The following FOXP2 variants were observed in gnomAD, a reference collection of about 807,000 sequenced individuals.
FOXP2 encodes the protein forkhead box protein P2.
FOXP2 carries 12 observed loss-of-function variants against 115.8 expected under a neutral mutation model. The observed-to-expected ratio is 0.10, with a 90% CI of 0.07 to 0.17. The LOEUF (loss-of-function observed/expected upper bound fraction) is 0.17. Ranked by LOEUF, FOXP2 falls within the 10% of genes least tolerant of loss-of-function variation. FOXP2 has a pLI of 1.00. For synonymous variants in FOXP2, 328 were observed against 297.7 expected, an observed-to-expected ratio of 1.10 and a Z score of -1.05; for missense variants, 629 against 843.5, an observed-to-expected ratio of 0.75 and a Z score of 3.15.
chr7:114,296,821 A>G (rs922032315), intron 2 of FOXP2, among the ~76,000 whole-genome samples: 1 of 152,220 alleles, frequency 6.6e-6, no homozygotes, highest in Non-Finnish European at 1.5e-5. Flanking sequence ...ATTTTATAAG[A>G]AAATTTCTGA....
At chr7:114,466,199 TAGAG>T (rs1455352318) in intron 2 of FOXP2, among the ~76,000 whole-genome samples, 1 of 152,206 alleles carries the variant, frequency 6.6e-6, no homozygotes, top group African/African-American at 2.4e-5. Context: ...GGAATTTTGC[TAGAG>T]ACCCATCACT....
chr7:114,423,388 G>A (rs1178906329), intron 1 of FOXP2, among the ~76,000 whole-genome samples: 1 of 151,546 alleles, frequency 6.6e-6, no homozygotes, highest in Non-Finnish European at 1.5e-5. Context: ...GAAAGAAAAA[G>A]GAAAGGAAGG....
chr7:114,460,543 A>T (rs1404241514), intron 2 of FOXP2, among the ~76,000 whole-genome samples: 1 of 152,216 alleles, frequency 6.6e-6, no homozygotes, highest in Admixed American at 6.5e-5. Flanking sequence ...GTTGACAGGG[A>T]TTCATGTCAC....
intron 1 of FOXP2, among the ~76,000 whole-genome samples, chr7:114,165,108 C>A (rs955020960): frequency 6.6e-6 from 1 of 152,012 alleles, no homozygotes; most frequent in African/African-American, 2.4e-5. Flanking sequence ...CCAGAATTTT[C>A]TGGTATGTTG....
chr7:114,410,301 T>C (rs537007761), upstream of FOXP2, among the ~76,000 whole-genome samples: 1 of 152,176 alleles, frequency 6.6e-6, no homozygotes, highest in Admixed American at 6.6e-5. Flanking sequence ...TACTTTCCCA[T>C]GACACCCAAC....
intron 2 of FOXP2, among the ~76,000 whole-genome samples, chr7:114,294,859 A>C (rs146595373): frequency 0.048 from 7,219 of 149,802 alleles, 371 homozygotes; most frequent in African/African-American, 0.13. Context: ...TAAATAAATA[A>C]ATAAATACAT....
chr7:114,415,403 G>A (rs1465012334), intron 1 of FOXP2, 43 bp downstream of exon 1: 1 of 403,356 alleles, frequency 2.5e-6, no homozygotes, highest in East Asian at 7.1e-5. Flanking sequence ...AGAGTTTAGA[G>A]AGGGGTGGGA....
At chr7:114,659,178 A>G (rs1350264656) in intron 11 of FOXP2, among the ~76,000 whole-genome samples, 178 bp from the exon 12 acceptor site, 1 of 152,148 alleles carries the variant, frequency 6.6e-6, no homozygotes, top group Non-Finnish European at 1.5e-5. Context: ...CTTCATTTGC[A>G]CTTCGCGTCA....
intron 1 of FOXP2, among the ~76,000 whole-genome samples, chr7:114,249,714 CT>C (rs910441993): frequency 2.4e-4 from 36 of 151,588 alleles, no homozygotes; most frequent in African/African-American, 8.7e-4. Context: ...ATTTATATTC[CT>C]TTGTGTATAT....
At chr7:114,375,630 C>T (rs539200685) in intron 2 of FOXP2, among the ~76,000 whole-genome samples, 1 of 152,148 alleles carries the variant, frequency 6.6e-6, no homozygotes, top group African/African-American at 2.4e-5. Context: ...CACTTTACAT[C>T]ATATTAACTT....
chr7:114,100,059 A>T (rs910825002), intron 1 of FOXP2, among the ~76,000 whole-genome samples: 3 of 152,198 alleles, frequency 2.0e-5, no homozygotes, highest in African/African-American at 7.2e-5. Flanking sequence ...ATTTTTTAAA[A>T]ACCTGCCATG....
At chr7:114,519,714 G>T (rs193212442) in intron 2 of FOXP2, among the ~76,000 whole-genome samples, 1 of 152,060 alleles carries the variant, frequency 6.6e-6, no homozygotes, top group African/African-American at 2.4e-5. Flanking sequence ...AGCCTTTGAG[G>T]GGGGCAGCAA....
At chr7:114,152,629 G>A (rs944695037) in intron 1 of FOXP2, among the ~76,000 whole-genome samples, 1 of 152,136 alleles carries the variant, frequency 6.6e-6, no homozygotes, top group African/African-American at 2.4e-5. Flanking sequence ...ATGAAATCCA[G>A]CAAAAAGACA....
intron 2 of FOXP2, among the ~76,000 whole-genome samples, chr7:114,486,697 T>C (rs781108364): frequency 6.6e-6 from 1 of 152,206 alleles, no homozygotes; most frequent in Non-Finnish European, 1.5e-5. Flanking sequence ...AATATACCCA[T>C]TCCAAATGGG....
chr7:114,571,031 A>T (rs1801275099), intron 3 of FOXP2: 1 of 736,390 alleles, frequency 1.4e-6, no homozygotes, highest in Non-Finnish European at 2.4e-6. Context: ...ATACAGATGT[A>T]ATTAGTTGAT....
At chr7:114,200,910 T>C (rs1794044104) in intron 1 of FOXP2, among the ~76,000 whole-genome samples, 1 of 152,204 alleles carries the variant, frequency 6.6e-6, no homozygotes, top group African/African-American at 2.4e-5. Context: ...ATCCCAGCAC[T>C]TTGGGAGGCT....
At chr7:114,327,035 G>A (rs1038248760) in intron 2 of FOXP2, among the ~76,000 whole-genome samples, 1 of 152,120 alleles carries the variant, frequency 6.6e-6, no homozygotes, top group Non-Finnish European at 1.5e-5. Flanking sequence ...TTGGCTCAGA[G>A]CATAGAAATT....
chr7:114,214,285 G>C (rs1280356211), intron 1 of FOXP2, among the ~76,000 whole-genome samples: 1 of 152,128 alleles, frequency 6.6e-6, no homozygotes, highest in Non-Finnish European at 1.5e-5. Context: ...ATTTGATCAA[G>C]AGCTCACAGT....
chr7:114,260,517 T>C (rs1359380807), intron 1 of FOXP2, among the ~76,000 whole-genome samples: 1 of 152,090 alleles, frequency 6.6e-6, no homozygotes, highest in Non-Finnish European at 1.5e-5. Flanking sequence ...AAATTAGCCT[T>C]AGATGACTCT....
Sources: gnomAD v4.1 joint callset for allele counts (sites outside exome capture counted in the v4.1 genomes callset) on GRCh38, gnomAD v4.1.1 for gene constraint, MANE v1.5 for transcripts, NCBI Gene and HGNC (gene_info 2026-07-23, HGNC 2026-07-21) for gene names.